Variants in ARHGEF26 observed in about 807,000 individuals in gnomAD.
The protein encoded by ARHGEF26 is Rho guanine nucleotide exchange factor 26, also known as Rho guanine nucleotide exchange factor (GEF) 26.
In ARHGEF26, 59 loss-of-function variants were observed where a neutral mutation model predicts 89.4. That is an observed-to-expected ratio of 0.66 (90% CI 0.54 to 0.82). ARHGEF26 has a LOEUF of 0.82. Among genes scored for constraint, ARHGEF26 ranks in the 40% least tolerant of loss-of-function variants. The probability of loss-of-function intolerance (pLI) is 0.00; values close to 1 mark genes in which losing one functional copy is unlikely to be tolerated. For synonymous variants in ARHGEF26, 500 were observed against 428.4 expected (o/e 1.17, Z -2.06); for missense variants, 1,234 against 1,085.6 (o/e 1.14, Z -1.92).
intron 4 of ARHGEF26, among the ~76,000 whole-genome samples, chr3:154,148,066 G>A (rs1181596101): frequency 6.6e-6 from 1 of 152,264 alleles, no homozygotes; most frequent in Admixed American, 6.5e-5. Flanking sequence ...GGATGCCTCA[G>A]GTGGACAAAA....
intron 3 of ARHGEF26, among the ~76,000 whole-genome samples, chr3:154,126,987 G>C (rs570883043): frequency 1.3e-5 from 2 of 152,218 alleles, no homozygotes; most frequent in Non-Finnish European, 2.9e-5. Context: ...GTGTATCTAA[G>C]CACAGGAAAA....
At chr3:154,139,599 C>T (rs1432624004) in intron 4 of ARHGEF26, among the ~76,000 whole-genome samples, 4 of 152,258 alleles carry the variant, frequency 2.6e-5, no homozygotes, top group South Asian at 2.1e-4. Flanking sequence ...AATGTATCCT[C>T]TTGTGGGGTC....
chr3:154,197,504 C>G (rs76146469), intron 9 of ARHGEF26, among the ~76,000 whole-genome samples: 2,151 of 152,170 alleles, frequency 0.014, 18 homozygotes, highest in Middle Eastern at 0.034. Flanking sequence ...AGGTTTAGAA[C>G]CAGATGCTGC....
intron 12 of ARHGEF26, among the ~76,000 whole-genome samples, chr3:154,245,184 T>C (rs355747): frequency 0.91 from 137,941 of 152,158 alleles, 62,765 homozygotes; most frequent in East Asian, 1. Flanking sequence ...CTTATCACCA[T>C]GCTTGGCTAA....
intron 3 of ARHGEF26, among the ~76,000 whole-genome samples, chr3:154,124,774 T>G (rs1718226772): frequency 1.3e-5 from 2 of 152,182 alleles, no homozygotes; most frequent in African/African-American, 4.8e-5. Flanking sequence ...AAATTCTGAT[T>G]TTGGCATTTA....
In ARHGEF26 at chr3:154,255,468, G is replaced by A. The variant is rs778790696; in HGVS notation, c.2611G>A (p.Val871Met). ...ACGCTTGCTAGGACTGGAGACCAAC[G>A]TGTAGTCTCTCAGATGGTCTTTTGT... is the stretch of plus-strand genomic sequence containing the variant. Reference protein sequence around the residue: ...MGRLLGLETNV With the variant: ...MGRLLGLETNM Residue 871 changes from valine to methionine, a missense_variant, in exon 15 of 15, where the codon GTG (valine) becomes ATG (methionine). Coordinates refer to ENST00000465093, the MANE Select transcript of ARHGEF26 (RefSeq NM_015595.4). 5 of 1,612,612 alleles carry A rather than the reference G, an allele frequency of 3.1e-6. No individual in the cohort carries two copies. The highest frequency in any genetic ancestry group is 2.2e-5 in the East Asian group (1 of 44,876).
chr3:154,228,690 T>TA (rs1210151480), intron 11 of ARHGEF26, among the ~76,000 whole-genome samples: 1 of 151,978 alleles, frequency 6.6e-6, no homozygotes, highest in East Asian at 2.0e-4. Flanking sequence ...CAGACTTGGT[T>TA]AAAAATGTAC....
intron 6 of ARHGEF26, among the ~76,000 whole-genome samples, chr3:154,154,141 C>T (rs555939245): frequency 5.3e-5 from 8 of 152,118 alleles, no homozygotes; most frequent in African/African-American, 1.9e-4. Context: ...GTAAAGTTCA[C>T]GTTATTCTAT....
At chr3:154,148,720 G>C (rs945553278) in intron 4 of ARHGEF26, among the ~76,000 whole-genome samples, 2 of 152,108 alleles carry the variant, frequency 1.3e-5, no homozygotes, top group African/African-American at 4.8e-5. Context: ...TCCTGCTCAG[G>C]GTTAACCAAA....
intron 4 of ARHGEF26, among the ~76,000 whole-genome samples, chr3:154,144,588 G>A (rs1719588905): frequency 6.6e-6 from 1 of 152,176 alleles, no homozygotes; most frequent in East Asian, 1.9e-4. Flanking sequence ...TTACTTATCT[G>A]TAGTTTGTAT....
intron 11 of ARHGEF26, among the ~76,000 whole-genome samples, chr3:154,226,693 A>C (rs368129687): frequency 1.6e-5 from 2 of 123,132 alleles, no homozygotes; most frequent in Non-Finnish European, 3.7e-5. Context: ...ACACACACAC[A>C]CACCCCTTCA....
intron 3 of ARHGEF26, among the ~76,000 whole-genome samples, chr3:154,127,491 A>G (rs1210640581): frequency 2.7e-5 from 4 of 150,746 alleles, no homozygotes; most frequent in Non-Finnish European, 4.4e-5. Flanking sequence ...ATCTTGTCCC[A>G]CAAGAAGGTC....
rs114464294 is a variant in ARHGEF26, at chr3:154,151,353, A to G, written c.1327-1419A>G. Among the ~76,000 whole-genome samples, 1,280 of 152,304 alleles carry G rather than the reference A, an allele frequency of 8.4e-3. 14 individuals are homozygous for G. Among genetic ancestry groups the G allele is most frequent in the African/African-American group, 0.029 (1,219 of 41,566 alleles). On this transcript the variant is annotated intron_variant, in intron 5 of 14. Coordinates refer to ENST00000465093, the MANE Select transcript of ARHGEF26 (RefSeq NM_015595.4). Reference sequence around the variant, plus strand: ...TTAATTTTTGTTCTCAAAACCCTCAATTATCACTTAATCACATTAATCAGT... The same window carrying G: ...TTAATTTTTGTTCTCAAAACCCTCAGTTATCACTTAATCACATTAATCAGT...
intron 6 of ARHGEF26, among the ~76,000 whole-genome samples, chr3:154,186,326 C>T (rs1713544519): frequency 6.6e-6 from 1 of 152,004 alleles, no homozygotes; most frequent in Admixed American, 6.6e-5. Flanking sequence ...CTCAAGTCTC[C>T]ATCAGCAGAT....
intron 10 of ARHGEF26, among the ~76,000 whole-genome samples, chr3:154,218,445 G>A (rs960587344): frequency 6.6e-6 from 1 of 152,016 alleles, no homozygotes; most frequent in Non-Finnish European, 1.5e-5. Flanking sequence ...TGTGCTGCTT[G>A]TTATTCCTTG....
At chr3:154,230,995 C>G (rs1333132424) in intron 11 of ARHGEF26, among the ~76,000 whole-genome samples, 2 of 152,026 alleles carry the variant, frequency 1.3e-5, no homozygotes, top group Non-Finnish European at 1.5e-5. Flanking sequence ...AATGCTCTTT[C>G]CTATTATAGA....
chr3:154,217,063 C>G (rs536263770), intron 9 of ARHGEF26, among the ~76,000 whole-genome samples: 1 of 151,322 alleles, frequency 6.6e-6, no homozygotes, highest in East Asian at 2.0e-4. Flanking sequence ...AATGGGATGG[C>G]TGGGTCAAAT....
chr3:154,245,102 A>G (rs1390736461), intron 12 of ARHGEF26, among the ~76,000 whole-genome samples: 1 of 152,220 alleles, frequency 6.6e-6, no homozygotes, highest in Non-Finnish European at 1.5e-5. Flanking sequence ...ATCTCGGCTC[A>G]CTGCAACCTC....
intron 4 of ARHGEF26, among the ~76,000 whole-genome samples, chr3:154,137,977 T>A (rs1341433675): frequency 1.3e-5 from 2 of 152,202 alleles, no homozygotes; most frequent in Non-Finnish European, 2.9e-5. Flanking sequence ...ATATATACAT[T>A]TAAGGAAACA....
Sources: gnomAD v4.1 joint callset for allele counts (sites outside exome capture counted in the v4.1 genomes callset) on GRCh38, gnomAD v4.1.1 for gene constraint, MANE v1.5 for transcripts, NCBI Gene and HGNC (gene_info 2026-07-23, HGNC 2026-07-21) for gene names.